The following ESR1 variants were observed in gnomAD, a reference collection of about 807,000 sequenced individuals.
ESR1 encodes estrogen receptor.
In ESR1, 12 loss-of-function variants were observed where a neutral mutation model predicts 52.7. That is an observed-to-expected ratio of 0.23 (90% CI 0.15 to 0.37). The LOEUF is 0.37. Ranked by LOEUF, ESR1 falls within the 10% of genes least tolerant of loss-of-function variation. ESR1 has a pLI of 1.00. For synonymous variants in ESR1, 305 were observed against 316.8 expected, an observed-to-expected ratio of 0.96 and a Z score of 0.39; for missense variants, 584 against 779.7, an observed-to-expected ratio of 0.75 and a Z score of 2.99.
chr6:151,898,010 C>T (rs1795818177), intron 3 of ESR1, among the ~76,000 whole-genome samples: 1 of 152,136 alleles, frequency 6.6e-6, no homozygotes. Context: ...TTTAAAGAAG[C>T]TGAAGATAGG....
intron 1 of ESR1, among the ~76,000 whole-genome samples, chr6:151,669,966 G>A (rs1448407641): frequency 1.3e-5 from 2 of 152,142 alleles, no homozygotes; most frequent in Non-Finnish European, 2.9e-5. Context: ...CAAAAGTACG[G>A]GAGTAAGTGC....
At chr6:151,831,547 C>A (rs1045366496) in intron 1 of ESR1, among the ~76,000 whole-genome samples, 3 of 152,136 alleles carry the variant, frequency 2.0e-5, no homozygotes, top group Non-Finnish European at 2.9e-5. Flanking sequence ...GGGTTGTGAG[C>A]CCTTTGGGTG....
intron 2 of ESR1, among the ~76,000 whole-genome samples, chr6:151,717,681 A>C (rs950689895): frequency 6.6e-5 from 10 of 152,234 alleles, no homozygotes; most frequent in Non-Finnish European, 1.3e-4. Flanking sequence ...GTTATGAATG[A>C]AACATTTTTG....
intron 2 of ESR1, among the ~76,000 whole-genome samples, chr6:151,773,797 T>A (rs1314815718): frequency 6.6e-6 from 1 of 152,170 alleles, no homozygotes; most frequent in Non-Finnish European, 1.5e-5. Context: ...GAAAGAATAA[T>A]CTCTCATCTC....
intron 2 of ESR1, among the ~76,000 whole-genome samples, chr6:151,729,091 C>T (rs1782052446): frequency 6.6e-6 from 1 of 152,150 alleles, no homozygotes; most frequent in South Asian, 2.1e-4. Flanking sequence ...GAAATGCTAA[C>T]TCTCAAGATG....
intron 2 of ESR1, among the ~76,000 whole-genome samples, chr6:151,711,156 C>T (rs1293130030): frequency 2.0e-5 from 3 of 152,094 alleles, no homozygotes; most frequent in South Asian, 2.1e-4. Context: ...AACTAATTTA[C>T]ACTCCCACCA....
At chr6:152,088,701 G>A (rs1330018372) in intron 6 of ESR1, among the ~76,000 whole-genome samples, 1 of 152,158 alleles carries the variant, frequency 6.6e-6, no homozygotes, top group Non-Finnish European at 1.5e-5. Flanking sequence ...CAGAAAGAAG[G>A]CCCTCACCCA....
Position 151,790,789 on chromosome 6 carries a change from A to G in ESR1, c.-70-17054A>G, listed in dbSNP as rs1776078506. 2.6e-5 allele frequency among the ~76,000 whole-genome samples: 4 copies of G among 152,210 alleles called. No individual in the cohort carries two copies. The South Asian group carries it at 8.3e-4, about 32-fold the overall frequency. ...ATCACTTAATTCAGTTAATAAAAAG[A>G]CTAAAATAATGAGGCCAACCTTATT... On this transcript the variant is annotated intron_variant, in intron 2 of 2. Transcript: ENST00000404742.
chr6:152,097,845 G>A (rs2050745772), intron 7 of ESR1, among the ~76,000 whole-genome samples: 1 of 152,172 alleles, frequency 6.6e-6, no homozygotes, highest in Non-Finnish European at 1.5e-5. Context: ...TTCGCACTGA[G>A]GGTGTGAGTG....
chr6:151,715,140 T>G (rs1043081010), intron 2 of ESR1, among the ~76,000 whole-genome samples: 1 of 152,228 alleles, frequency 6.6e-6, no homozygotes, highest in African/African-American at 2.4e-5. Flanking sequence ...AAAATTCTTT[T>G]CTTTAAGAAT....
chr6:151,885,694 G>A (rs1023176300), intron 3 of ESR1, among the ~76,000 whole-genome samples: 5 of 152,000 alleles, frequency 3.3e-5, no homozygotes, highest in South Asian at 2.1e-4. Flanking sequence ...GTGAAACCTC[G>A]TCTCTACAAA....
chr6:151,899,131 C>A (rs1584054759), intron 3 of ESR1, among the ~76,000 whole-genome samples: 3 of 141,294 alleles, frequency 2.1e-5, no homozygotes, highest in Non-Finnish European at 3.1e-5. Flanking sequence ...GGGGGCTGAC[C>A]CCCCCGCCTC....
At chr6:151,787,933 TC>T (rs1297379911) in intron 2 of ESR1, among the ~76,000 whole-genome samples, 1 of 152,140 alleles carries the variant, frequency 6.6e-6, no homozygotes, top group East Asian at 1.9e-4. Context: ...CTGGACCCCT[TC>T]CTTACACCAT....
rs2050873824 is a variant in ESR1 at position 152,099,237 on chromosome 6, A to C, written c.*271A>C. 2.0e-6 allele frequency: 1 copy of C among 508,118 alleles called. No individual in the cohort carries two copies. Among genetic ancestry groups the C allele is most frequent in the South Asian group, 2.0e-5 (1 of 48,896 alleles). The allele number at this position is 508,118 out of a possible 1,614,324, so 31.5% of individuals were successfully genotyped here. A position where few individuals can be genotyped will look rare whatever the true frequency, so the allele number is the denominator to read the frequency against. ...TGTTACTAAGCGTGAGGATTCCCGTAGCTCTTCACAGCTGAACTCAGTCTA... is the reference window on the plus strand; with the variant it reads ...TGTTACTAAGCGTGAGGATTCCCGTCGCTCTTCACAGCTGAACTCAGTCTA... On this transcript the variant is annotated 3_prime_UTR_variant, in exon 8 of 8. Coordinates refer to ENST00000206249, the MANE Select transcript of ESR1 (RefSeq NM_000125.4).
At chr6:152,016,820 C>T (rs776908756) in intron 5 of ESR1, among the ~76,000 whole-genome samples, 5 of 152,120 alleles carry the variant, frequency 3.3e-5, no homozygotes, top group Non-Finnish European at 7.4e-5. Context: ...TCTCATATCT[C>T]AGGCATTGTG....
intron 2 of ESR1, among the ~76,000 whole-genome samples, chr6:151,742,984 A>G (rs947561862): frequency 7.2e-5 from 11 of 152,224 alleles, no homozygotes; most frequent in Non-Finnish European, 1.2e-4. Flanking sequence ...TGCCTCTTTC[A>G]GAATCATTTA....
At chr6:151,895,644 G>A (rs931306665) in intron 3 of ESR1, among the ~76,000 whole-genome samples, 7 of 152,150 alleles carry the variant, frequency 4.6e-5, no homozygotes, top group African/African-American at 7.2e-5. Flanking sequence ...CGATTATTGC[G>A]ATGGTCATGC....
At chr6:151,661,460 G>A (rs770624594) in intron 1 of ESR1, among the ~76,000 whole-genome samples, 3 of 152,212 alleles carry the variant, frequency 2.0e-5, no homozygotes, top group African/African-American at 4.8e-5. Context: ...CCTAATGCAC[G>A]CACAGGTTCC....
intron 6 of ESR1, among the ~76,000 whole-genome samples, chr6:152,065,283 C>A (rs1001515578): frequency 6.6e-6 from 1 of 152,100 alleles, no homozygotes; most frequent in Non-Finnish European, 1.5e-5. Flanking sequence ...TTGGGACTTA[C>A]CGTTGAGAGA....
Sources: allele counts gnomAD v4.1 joint callset (sites outside exome capture counted in the v4.1 genomes callset), GRCh38; gene constraint gnomAD v4.1.1; transcripts MANE v1.5; gene names NCBI Gene and HGNC (gene_info 2026-07-23, HGNC 2026-07-21).